The following MTAP variants were observed in gnomAD, a reference collection of about 807,000 sequenced individuals.
MTAP encodes the protein methylthioadenosine phosphorylase, also known as S-methyl-5'-thioadenosine phosphorylase.
A neutral mutation model predicts 33.6 loss-of-function variants in MTAP; 33 were observed. That is an observed-to-expected ratio of 0.98 (90% CI 0.74 to 1.31). The LOEUF is 1.31. MTAP is among the 40% of genes most tolerant of loss of function. MTAP has a pLI of 0.00. For synonymous variants in MTAP, 148 were observed against 125.7 expected, an observed-to-expected ratio of 1.18 and a Z score of -1.19; for missense variants, 367 against 360.0, an observed-to-expected ratio of 1.02 and a Z score of -0.16.
chr9:21,940,680 CA>C (rs1294542100), downstream of MTAP, among the ~76,000 whole-genome samples: 1 of 151,810 alleles, frequency 6.6e-6, no homozygotes. Context: ...ATGAAAAATA[CA>C]ATTTAGGAAT....
chr9:21,908,153 C>G (rs1818504607), intron 1 of MTAP, among the ~76,000 whole-genome samples: 2 of 152,162 alleles, frequency 1.3e-5, no homozygotes, highest in Admixed American at 1.3e-4. Context: ...CTGGTAACCA[C>G]TGATTCTTTC....
intron 1 of MTAP, among the ~76,000 whole-genome samples, chr9:21,890,092 A>C (rs954568109): frequency 2.6e-5 from 4 of 152,006 alleles, no homozygotes; most frequent in Admixed American, 6.6e-5. Context: ...GTCTGAGCTC[A>C]GACTCTCCTT....
intron 6 of MTAP, among the ~76,000 whole-genome samples, chr9:21,858,666 C>T (rs1204414018): frequency 6.6e-6 from 1 of 152,188 alleles, no homozygotes; most frequent in Non-Finnish European, 1.5e-5. Context: ...TCCCACCAGG[C>T]CCCACCTCCC....
At chr9:21,867,146 A>G (rs866389499), downstream of MTAP, 9 of 152,164 alleles carry the variant, frequency 5.9e-5, no homozygotes, top group Admixed American at 1.3e-4. Flanking sequence ...ATCATGTCAT[A>G]TATGAATAAC....
intron 1 of MTAP, among the ~76,000 whole-genome samples, chr9:21,883,053 A>G (rs1251857474): frequency 1.3e-5 from 2 of 151,938 alleles, no homozygotes; most frequent in African/African-American, 2.4e-5. Flanking sequence ...AAATTAATGA[A>G]GTAGAAAACA....
At chr9:21,883,377 T>TC (rs1216347199) in intron 1 of MTAP, among the ~76,000 whole-genome samples, 1 of 152,018 alleles carries the variant, frequency 6.6e-6, no homozygotes, top group African/African-American at 2.4e-5. Context: ...GTATGACAAC[T>TC]CCAAGTTTGG....
chr9:21,913,999 A>T (rs1160515993), intron 1 of MTAP, among the ~76,000 whole-genome samples: 1 of 152,270 alleles, frequency 6.6e-6, no homozygotes, highest in Non-Finnish European at 1.5e-5. Context: ...TCAAAAGAAG[A>T]CATTTATGCA....
intron 4 of MTAP, among the ~76,000 whole-genome samples, chr9:21,818,688 A>G (rs994373806): frequency 3.3e-5 from 5 of 152,220 alleles, no homozygotes; most frequent in Non-Finnish European, 7.3e-5. Context: ...ATAAATGTAT[A>G]TATGAGGTAT....
At chr9:21,815,213 G>A (rs974357867) in intron 1 of MTAP, among the ~76,000 whole-genome samples, 2 of 152,156 alleles carry the variant, frequency 1.3e-5, no homozygotes, top group Non-Finnish European at 2.9e-5. Context: ...CTACGTTTTG[G>A]TTACTTATAG....
intron 1 of MTAP, among the ~76,000 whole-genome samples, chr9:21,884,660 C>A (rs1013761647): frequency 5.3e-5 from 8 of 152,100 alleles, no homozygotes; most frequent in Non-Finnish European, 1.0e-4. Flanking sequence ...CGCTAGTGAA[C>A]TCTAGTTTCT....
rs533419227 is a variant in MTAP at position 21,918,455 on chromosome 9, A to G, written c.148-12553A>G. Among the ~76,000 whole-genome samples, 8 of 152,082 alleles carry G rather than the reference A, an allele frequency of 5.3e-5. No individual in the cohort carries two copies. The South Asian group carries it at 1.7e-3, about 32-fold the overall frequency. On this transcript the variant is annotated intron_variant, in intron 1 of 1. Transcript: ENST00000577563. ...TAAGAGAATATTGGGTACAGTATAA[A>G]CTGCTTGGGTGACAGGCACACTAAA...
downstream of MTAP, among the ~76,000 whole-genome samples, chr9:21,938,276 A>C (rs1333221205): frequency 6.6e-6 from 1 of 151,062 alleles, no homozygotes; most frequent in Non-Finnish European, 1.5e-5. Context: ...TCCTTCTCAA[A>C]AAAAAAAAAA....
chr9:21,903,903 A>G (rs1032724937), intron 1 of MTAP, among the ~76,000 whole-genome samples: 1 of 151,824 alleles, frequency 6.6e-6, no homozygotes, highest in South Asian at 2.1e-4. Context: ...GCTCAAGTAG[A>G]CCCCCTTTCT....
At chr9:21,930,890 G>C in intron 1 of MTAP, 2 of 630,744 alleles carry the variant, frequency 3.2e-6, no homozygotes, top group East Asian at 5.4e-5. Flanking sequence ...CCTGGAAATG[G>C]GATCTTCCCT....
intron 1 of MTAP, among the ~76,000 whole-genome samples, chr9:21,815,161 C>G (rs916247380): frequency 6.6e-6 from 1 of 152,166 alleles, no homozygotes; most frequent in African/African-American, 2.4e-5. Flanking sequence ...ACTTGTAATT[C>G]AGACAGTCAG....
chr9:21,807,294 T>G (rs1037092174), intron 1 of MTAP, among the ~76,000 whole-genome samples: 2 of 152,184 alleles, frequency 1.3e-5, no homozygotes, highest in Non-Finnish European at 2.9e-5. Flanking sequence ...AGTCATGGTT[T>G]GTAGACTGTG....
chr9:21,858,647 C>G (rs1221228309), intron 6 of MTAP, among the ~76,000 whole-genome samples: 1 of 152,170 alleles, frequency 6.6e-6, no homozygotes, highest in Non-Finnish European at 1.5e-5. Context: ...ACCCCATGAT[C>G]CAACCGCCTC....
At chr9:21,912,070 G>A (rs1818588032) in intron 1 of MTAP, among the ~76,000 whole-genome samples, 1 of 152,246 alleles carries the variant, frequency 6.6e-6, no homozygotes, top group East Asian at 1.9e-4. Context: ...ACCCTCCCAA[G>A]ACTAAACCAG....
chr9:21,809,372 G>T (rs1005178993), intron 1 of MTAP, among the ~76,000 whole-genome samples: 1 of 152,172 alleles, frequency 6.6e-6, no homozygotes, highest in African/African-American at 2.4e-5. Flanking sequence ...GGGCGCGGTG[G>T]CTCATGCCTG....
Sources: allele counts gnomAD v4.1 joint callset (sites outside exome capture counted in the v4.1 genomes callset), GRCh38; gene constraint gnomAD v4.1.1; transcripts MANE v1.5; gene names NCBI Gene and HGNC (gene_info 2026-07-23, HGNC 2026-07-21).